GSK3B: variants seen among roughly 807,000 people sequenced by gnomAD.
GSK3B encodes the protein glycogen synthase kinase 3 beta.
A neutral mutation model predicts 56.4 loss-of-function variants in GSK3B; 15 were observed. The observed-to-expected ratio is 0.27, with a 90% CI of 0.18 to 0.41. GSK3B has a LOEUF of 0.41. Among genes scored for constraint, GSK3B ranks in the 10% least tolerant of loss-of-function variants. GSK3B has a pLI of 1.00. For missense variants in GSK3B, 300 were observed against 513.4 expected (o/e 0.58, Z 4.02); for synonymous variants, 181 against 188.9 (o/e 0.96, Z 0.34).
chr3:119,950,088 G>A (rs1283998943), intron 2 of GSK3B, among the ~76,000 whole-genome samples: 1 of 152,030 alleles, frequency 6.6e-6, no homozygotes, highest in African/African-American at 2.4e-5. Flanking sequence ...AAAAATAGAG[G>A]ACAGAGTGGA....
rs1402201482 is a variant in GSK3B at position 120,045,508 on chromosome 3, A to G, written c.89-43269T>C. 3.3e-5 allele frequency among the ~76,000 whole-genome samples: 5 copies of G among 152,138 alleles called. No individual in the cohort carries two copies. In the East Asian group the frequency reaches 7.7e-4, roughly 23 times the overall value. On this transcript the variant is annotated intron_variant, in intron 1 of 10. Coordinates refer to ENST00000264235, the MANE Select transcript of GSK3B (RefSeq NM_001146156.2). ...TCCCCTTCCCTCTTCCTTATTTAAAAAAAAAAATTCACAAGTAGCCAATCA... is the reference window on the plus strand; with the variant it reads ...TCCCCTTCCCTCTTCCTTATTTAAAGAAAAAAATTCACAAGTAGCCAATCA...
intron 7 of GSK3B, among the ~76,000 whole-genome samples, chr3:119,891,117 A>G (rs1278971012): frequency 1.3e-5 from 2 of 151,946 alleles, no homozygotes; most frequent in African/African-American, 4.8e-5. Flanking sequence ...GCTACACTGC[A>G]CTGGAAAGAG....
intron 1 of GSK3B, among the ~76,000 whole-genome samples, chr3:120,004,199 C>A (rs754220305): frequency 6.6e-6 from 1 of 152,128 alleles, no homozygotes; most frequent in Non-Finnish European, 1.5e-5. Flanking sequence ...GGGGGAGGGG[C>A]GTTTGCCATT....
At chr3:120,049,218 C>T (rs1041963681) in intron 1 of GSK3B, among the ~76,000 whole-genome samples, 1 of 152,206 alleles carries the variant, frequency 6.6e-6, no homozygotes, top group Non-Finnish European at 1.5e-5. Context: ...ATAATCCTTG[C>T]TCTGACTGAC....
intron 1 of GSK3B, among the ~76,000 whole-genome samples, chr3:120,036,002 A>T (rs1212432230): frequency 6.6e-6 from 1 of 152,228 alleles, no homozygotes; most frequent in Non-Finnish European, 1.5e-5. Flanking sequence ...AAACTCTAGT[A>T]CAATGTTAAA....
At chr3:120,006,832 C>T (rs2057732825) in intron 1 of GSK3B, among the ~76,000 whole-genome samples, 1 of 151,980 alleles carries the variant, frequency 6.6e-6, no homozygotes, top group Non-Finnish European at 1.5e-5. Flanking sequence ...AAATCAACAT[C>T]CTAACATCAC....
intron 2 of GSK3B, among the ~76,000 whole-genome samples, chr3:119,959,267 C>A (rs957439821): frequency 6.6e-6 from 1 of 152,118 alleles, no homozygotes; most frequent in Non-Finnish European, 1.5e-5. Context: ...TGATCAGACT[C>A]CCAATTGTAT....
At chr3:119,964,563 A>G (rs1032543551) in intron 2 of GSK3B, among the ~76,000 whole-genome samples, 3 of 152,218 alleles carry the variant, frequency 2.0e-5, no homozygotes, top group African/African-American at 4.8e-5. Context: ...TCAAACCTAT[A>G]TAAGTAGACA....
Position 119,826,616 on chromosome 3 carries a change from A to C in GSK3B, c.*172T>G, listed in dbSNP as rs779051945. ...AATACAATGAAATTGGTTTGTATTT[A>C]TAGATATTTTACAAGGTTAAATAAG... On this transcript the variant is annotated 3_prime_UTR_variant, in exon 11 of 11. Coordinates refer to ENST00000264235, the MANE Select transcript of GSK3B (RefSeq NM_001146156.2). 2 of 484,392 alleles carry C rather than the reference A, an allele frequency of 4.1e-6. No individual in the cohort carries two copies. Among genetic ancestry groups the C allele is most frequent in the South Asian group, 3.1e-5 (2 of 63,974 alleles). 30.0% of individuals were successfully genotyped at this position (484,392 alleles called of 1,614,324 possible).
chr3:120,091,248 G>A (rs570395354), intron 1 of GSK3B, among the ~76,000 whole-genome samples: 2 of 152,138 alleles, frequency 1.3e-5, no homozygotes, highest in Admixed American at 1.3e-4. Context: ...GTTTTCAACA[G>A]GGGTTCCTTA....
rs2057154683 is a variant in GSK3B at position 119,951,353 on chromosome 3, C to A, written c.283-4002G>T. Among the ~76,000 whole-genome samples, 3 of 152,318 alleles carry A rather than the reference C, an allele frequency of 2.0e-5. No individual in the cohort carries two copies. In the South Asian group the frequency reaches 6.2e-4, roughly 32 times the overall value. Reference sequence around the variant, plus strand: ...TTGGGAGGTTCAGGCGGGCAGATCACCTGAGGACAGGAGTTCAAGACCAGC... The same window carrying A: ...TTGGGAGGTTCAGGCGGGCAGATCAACTGAGGACAGGAGTTCAAGACCAGC... On this transcript the variant is annotated intron_variant, in intron 2 of 10. Transcript: ENST00000264235.
At chr3:120,046,494 G>C (rs978840904) in intron 1 of GSK3B, among the ~76,000 whole-genome samples, 3 of 152,056 alleles carry the variant, frequency 2.0e-5, no homozygotes, top group African/African-American at 7.3e-5. Context: ...TTAAAGAACA[G>C]TCTCTTTTCT....
At chr3:119,925,559 C>G (rs1466565222) in intron 3 of GSK3B, among the ~76,000 whole-genome samples, 1 of 152,126 alleles carries the variant, frequency 6.6e-6, no homozygotes, top group African/African-American at 2.4e-5. Context: ...CTTCCTAAGG[C>G]AAACATCACT....
intron 9 of GSK3B, 98 bp downstream of exon 9, chr3:119,863,321 G>GT: frequency 1.0e-6 from 1 of 962,108 alleles, no homozygotes; most frequent in Non-Finnish European, 1.6e-6. Context: ...TAATATGTCC[G>GT]TTTTTGTCCT....
intron 1 of GSK3B, among the ~76,000 whole-genome samples, chr3:120,055,168 C>T (rs2058182432): frequency 5.9e-5 from 9 of 152,010 alleles, no homozygotes. Flanking sequence ...CTCTACCAAC[C>T]TGCAAAGTTA....
At chr3:119,991,141 T>G (rs1249080347) in intron 2 of GSK3B, among the ~76,000 whole-genome samples, 1 of 152,166 alleles carries the variant, frequency 6.6e-6, no homozygotes, top group African/African-American at 2.4e-5. Flanking sequence ...TTACTGATTT[T>G]CAAGTTGGAA....
intron 7 of GSK3B, among the ~76,000 whole-genome samples, chr3:119,888,900 C>T (rs1277044968): frequency 3.9e-5 from 6 of 152,024 alleles, no homozygotes. Flanking sequence ...CCTGCAGTAC[C>T]CTCAGGCTTA....
At chr3:119,929,273 G>C (rs1331399024) in intron 3 of GSK3B, among the ~76,000 whole-genome samples, 1 of 152,170 alleles carries the variant, frequency 6.6e-6, no homozygotes, top group East Asian at 1.9e-4. Context: ...TTCAAAGAAT[G>C]GTGAGTCTCA....
intron 8 of GSK3B, among the ~76,000 whole-genome samples, chr3:119,869,375 C>A (rs1186184406): frequency 6.6e-6 from 1 of 152,122 alleles, no homozygotes; most frequent in South Asian, 2.1e-4. Flanking sequence ...AAACAACTTT[C>A]AGAGTCCTCC....
Sources: allele counts gnomAD v4.1 joint callset (sites outside exome capture counted in the v4.1 genomes callset), GRCh38; gene constraint gnomAD v4.1.1; transcripts MANE v1.5; gene names NCBI Gene and HGNC (gene_info 2026-07-23, HGNC 2026-07-21).